The following UBOX5 variants were observed in gnomAD, a reference collection of about 807,000 sequenced individuals.
UBOX5 encodes RING finger protein 37.
In UBOX5, 28 loss-of-function variants were observed where a neutral mutation model predicts 39.0. That is an observed-to-expected ratio of 0.72 (90% CI 0.53 to 0.98). The LOEUF (loss-of-function observed/expected upper bound fraction) is 0.98. Ranked by LOEUF, UBOX5 falls within the 50% of genes least tolerant of loss-of-function variation. UBOX5 has a pLI of 0.00. For synonymous variants in UBOX5, 283 were observed against 275.5 expected (o/e 1.03, Z -0.27); for missense variants, 585 against 674.4 (o/e 0.87, Z 1.47).
intron 1 of UBOX5, among the ~76,000 whole-genome samples, chr20:3,142,527 C>A (rs1260375869): frequency 6.6e-6 from 1 of 150,966 alleles, no homozygotes; most frequent in African/African-American, 2.4e-5. Context: ...TCTCTTGAAC[C>A]CGGGAGGTGG....
chr20:3,121,714 C>T lies in UBOX5; in HGVS notation c.925G>A (p.Gly309Arg), dbSNP rs368369102. 5.6e-6 allele frequency: 9 copies of T among 1,613,950 alleles called. No homozygotes were observed. The African/African-American group carries it at 1.2e-4, about 22-fold the overall frequency. ...TGAGAGTGCGGAGTAAAAGCTACCC[C>T]CGTGAAAGGGTCACTGGGCACTCGG... ...WGRVPSDPFT[G>R]VAFTPHSQPL... Residue 309 changes from glycine to arginine, a missense_variant, in exon 3 of 5, where the codon GGG becomes AGG. Transcript: ENST00000217173.
intron 1 of UBOX5, chr20:3,147,997 A>T: frequency 6.2e-7 from 1 of 1,614,222 alleles, no homozygotes; most frequent in Non-Finnish European, 8.5e-7. Flanking sequence ...TTTTAACAAT[A>T]TTCACTAAGG....
At chr20:3,134,107 C>CATAT (rs138131119) in intron 1 of UBOX5, among the ~76,000 whole-genome samples, 2 of 151,020 alleles carry the variant, frequency 1.3e-5, no homozygotes, top group African/African-American at 2.4e-5. Flanking sequence ...TATAGGTATG[C>CATAT]ATATATATAT....
chr20:3,136,515 G>A (rs1341913023), intron 1 of UBOX5, among the ~76,000 whole-genome samples: 1 of 147,434 alleles, frequency 6.8e-6, no homozygotes, highest in Non-Finnish European at 1.5e-5. Flanking sequence ...CATCACACTC[G>A]GCTAATTTTT....
At chr20:3,147,898 T>C (rs779007562) in intron 1 of UBOX5, 19 of 1,614,108 alleles carry the variant, frequency 1.2e-5, no homozygotes, top group Non-Finnish European at 1.6e-5. Context: ...GCATGACACC[T>C]TGAACTCCCA....
rs753507933 is a variant in UBOX5 at position 3,121,715 on chromosome 20, C to T, written c.924G>A (p.Thr308=). Residue 308 remains threonine (T), a synonymous_variant, in exon 3 of 5, where the codon ACG becomes ACA. Coordinates refer to ENST00000217173, the MANE Select transcript of UBOX5 (RefSeq NM_014948.4). ...TWGRVPSDPF[T]GVAFTPHSQP... ...GAGAGTGCGGAGTAAAAGCTACCCC[C>T]GTGAAAGGGTCACTGGGCACTCGGC... 9 of 1,613,928 alleles carry T rather than the reference C, an allele frequency of 5.6e-6. No homozygotes were observed. Among genetic ancestry groups the T allele is most frequent in the African/African-American group, 2.7e-5 (2 of 74,894 alleles).
chr20:3,139,677 G>A (rs1054550731), intron 1 of UBOX5, among the ~76,000 whole-genome samples: 3 of 151,728 alleles, frequency 2.0e-5, no homozygotes, highest in Non-Finnish European at 2.9e-5. Context: ...GCCTCCCAAA[G>A]TGCTAGGATT....
intron 1 of UBOX5, among the ~76,000 whole-genome samples, chr20:3,125,629 A>C (rs1397333751): frequency 4.1e-5 from 5 of 122,608 alleles, no homozygotes; most frequent in African/African-American, 9.8e-5. Context: ...GGAGGTGAGG[A>C]GTGCCTCTGC....
chr20:3,140,929 T>A (rs1174983765), intron 1 of UBOX5, among the ~76,000 whole-genome samples: 1 of 149,734 alleles, frequency 6.7e-6, no homozygotes, highest in Admixed American at 6.6e-5. Flanking sequence ...TTTTTTTTTT[T>A]TTTTTTTTAG....
intron 1 of UBOX5, among the ~76,000 whole-genome samples, chr20:3,150,341 A>G (rs946763941): frequency 6.6e-6 from 1 of 152,152 alleles, no homozygotes; most frequent in Non-Finnish European, 1.5e-5. Context: ...GGGTTCAGGG[A>G]ACGCCAATTG....
In UBOX5 at chr20:3,123,323, G is replaced by A; in HGVS notation, c.43C>T (p.His15Tyr). 2 of 1,613,966 alleles carry A rather than the reference G, an allele frequency of 1.2e-6. No homozygotes were observed. The highest frequency in any genetic ancestry group is 1.7e-6 in the Non-Finnish European group (2 of 1,179,928). The change falls in exon 2 of 5, where the codon CAC becomes TAC. Residue 15 changes from histidine (H) to tyrosine (Y), a missense_variant. Physicochemically the swap from His to Tyr is moderately conservative, Grantham distance 83 (BLOSUM62 2). Coordinates refer to ENST00000217173, the MANE Select transcript of UBOX5 (RefSeq NM_014948.4). ...LCLPQFRPRI[H>Y]CNKISADGYE... ...TTTGTTTTGTTTACCTTGTTGCAGTGAATTCTTGGTCTGAACTGTGGGAGG... is the reference window on the plus strand; with the variant it reads ...TTTGTTTTGTTTACCTTGTTGCAGTAAATTCTTGGTCTGAACTGTGGGAGG...
intron 1 of UBOX5, among the ~76,000 whole-genome samples, chr20:3,142,991 GAA>G (rs1454958122): frequency 6.7e-6 from 1 of 149,584 alleles, no homozygotes; most frequent in Non-Finnish European, 1.5e-5. Context: ...ATTCACAGAT[GAA>G]AAGAGCCTAT....
intron 3 of UBOX5, among the ~76,000 whole-genome samples, chr20:3,118,848 A>C (rs566098274): frequency 6.6e-6 from 1 of 152,282 alleles, no homozygotes; most frequent in Non-Finnish European, 1.5e-5. Flanking sequence ...CTGAGGCATG[A>C]GAATTGCTTG....
intron 1 of UBOX5, among the ~76,000 whole-genome samples, chr20:3,153,401 C>G (rs1369066072): frequency 6.6e-6 from 1 of 152,216 alleles, no homozygotes; most frequent in African/African-American, 2.4e-5. Context: ...TGCATTAGTT[C>G]CCATCCTTAT....
At chr20:3,118,781 G>GA (rs1178012596) in intron 3 of UBOX5, among the ~76,000 whole-genome samples, 2 of 151,294 alleles carry the variant, frequency 1.3e-5, no homozygotes, top group Non-Finnish European at 3.0e-5. Flanking sequence ...CAAAAAAAAA[G>GA]AAAAAAAATC....
chr20:3,110,034 G>T lies in UBOX5; in HGVS notation c.*72C>A. ...CCTGGGGCCTGGCCAGACCTCAGGGGTGCTGTGGCCCTGCTCCTGTTCCCC... is the reference window on the plus strand; with the variant it reads ...CCTGGGGCCTGGCCAGACCTCAGGGTTGCTGTGGCCCTGCTCCTGTTCCCC... On this transcript the variant is annotated 3_prime_UTR_variant, in exon 5 of 5. Coordinates refer to ENST00000217173, the MANE Select transcript of UBOX5 (RefSeq NM_014948.4). 1.3e-6 allele frequency: 2 copies of T among 1,574,422 alleles called. No individual in the cohort carries two copies. The highest frequency in any genetic ancestry group is 1.7e-6 in the Non-Finnish European group (2 of 1,158,892).
chr20:3,120,114 C>T (rs1233775659), intron 3 of UBOX5, among the ~76,000 whole-genome samples: 2 of 152,004 alleles, frequency 1.3e-5, no homozygotes, highest in Non-Finnish European at 1.5e-5. Context: ...TTTAGGAAGC[C>T]GAGGCAGGTG....
intron 1 of UBOX5, among the ~76,000 whole-genome samples, chr20:3,144,326 A>AC (rs1600403225): frequency 6.6e-6 from 1 of 152,268 alleles, no homozygotes; most frequent in Non-Finnish European, 1.5e-5. Context: ...TCCATAAATA[A>AC]CCCCCCACAT....
chr20:3,129,102 A>G (rs1429442733), intron 1 of UBOX5, among the ~76,000 whole-genome samples: 1 of 152,150 alleles, frequency 6.6e-6, no homozygotes, highest in South Asian at 2.1e-4. Flanking sequence ...GGGGCTGTCA[A>G]CTACCCCAGT....
Sources: allele counts gnomAD v4.1 joint callset (sites outside exome capture counted in the v4.1 genomes callset), GRCh38; gene constraint gnomAD v4.1.1; transcripts MANE v1.5; gene names NCBI Gene and HGNC (gene_info 2026-07-23, HGNC 2026-07-21).